CNTNAP2: variants seen among roughly 807,000 people sequenced by gnomAD.
CNTNAP2 encodes the protein contactin-associated protein-like 2.
CNTNAP2 carries 98 observed loss-of-function variants against 155.2 expected under a neutral mutation model. That is an observed-to-expected ratio of 0.63 (90% CI 0.54 to 0.75). The LOEUF is 0.75. CNTNAP2 is among the 30% of genes least tolerant of loss of function. The pLI is 0.00. For missense variants in CNTNAP2, 1,727 were observed against 1,688.1 expected, an observed-to-expected ratio of 1.02 and a Z score of -0.40; for synonymous variants, 651 against 631.2, an observed-to-expected ratio of 1.03 and a Z score of -0.47.
intron 8 of CNTNAP2, among the ~76,000 whole-genome samples, chr7:147,295,296 G>A (rs539703769): frequency 3.3e-5 from 5 of 151,836 alleles, no homozygotes; most frequent in African/African-American, 1.2e-4. Context: ...CACGTGTTGT[G>A]TGTGTGTGTT....
At chr7:146,724,685 C>T (rs1801400396) in intron 1 of CNTNAP2, among the ~76,000 whole-genome samples, 1 of 146,458 alleles carries the variant, frequency 6.8e-6, no homozygotes, top group Non-Finnish European at 1.5e-5. Context: ...ATTCTCCTGT[C>T]TCAGCCTCCT....
At chr7:147,528,700 C>A (rs1350325011) in intron 11 of CNTNAP2, among the ~76,000 whole-genome samples, 2 of 152,152 alleles carry the variant, frequency 1.3e-5, no homozygotes, top group Non-Finnish European at 2.9e-5. Context: ...TTGGCCCACA[C>A]ATGAGAGGGA....
intron 13 of CNTNAP2, among the ~76,000 whole-genome samples, chr7:147,791,018 C>A (rs1797810724): frequency 6.6e-6 from 1 of 152,218 alleles, no homozygotes; most frequent in Non-Finnish European, 1.5e-5. Context: ...TCAGTTCTCT[C>A]TTGTAAAGTT....
intron 2 of CNTNAP2, among the ~76,000 whole-genome samples, chr7:146,811,082 G>T (rs1157804601): frequency 6.6e-6 from 1 of 151,972 alleles, no homozygotes; most frequent in Non-Finnish European, 1.5e-5. Context: ...TAGAAGTATT[G>T]GCCAGTGATT....
At chr7:147,496,156 A>G (rs1306553338) in intron 11 of CNTNAP2, among the ~76,000 whole-genome samples, 1 of 151,672 alleles carries the variant, frequency 6.6e-6, no homozygotes, top group Non-Finnish European at 1.5e-5. Context: ...ATTATTCATC[A>G]CAATGTCATA....
intron 1 of CNTNAP2, among the ~76,000 whole-genome samples, chr7:146,200,541 C>CACACAT (rs140777495): frequency 0.025 from 3,816 of 150,796 alleles, 144 homozygotes; most frequent in African/African-American, 0.082. Flanking sequence ...CACACACACA[C>CACACAT]ATATATATAC....
intron 1 of CNTNAP2, among the ~76,000 whole-genome samples, chr7:146,401,591 G>T (rs1441738231): frequency 6.6e-6 from 1 of 152,126 alleles, no homozygotes; most frequent in African/African-American, 2.4e-5. Flanking sequence ...TATAAATTGT[G>T]TGTTCAAAGA....
At chr7:146,214,704 G>A (rs897013506) in intron 1 of CNTNAP2, among the ~76,000 whole-genome samples, 4 of 152,016 alleles carry the variant, frequency 2.6e-5, no homozygotes, top group Middle Eastern at 3.2e-3. Context: ...TTTCAAAAAG[G>A]CTTTAATTTC....
At chr7:148,106,415 A>G (rs1370260968) in intron 15 of CNTNAP2, among the ~76,000 whole-genome samples, 2 of 151,000 alleles carry the variant, frequency 1.3e-5, no homozygotes, top group African/African-American at 4.9e-5. Context: ...CATCCCTGGG[A>G]CACAGGAACA....
intron 13 of CNTNAP2, among the ~76,000 whole-genome samples, chr7:147,784,991 G>C (rs1797718229): frequency 1.3e-5 from 2 of 152,092 alleles, no homozygotes. Flanking sequence ...ACTGGATACA[G>C]ACCAGTTTTG....
chr7:148,289,157 TC>T (rs954091290), intron 21 of CNTNAP2, among the ~76,000 whole-genome samples: 5 of 152,018 alleles, frequency 3.3e-5, no homozygotes, highest in African/African-American at 1.2e-4. Context: ...ATTTCAGTTG[TC>T]TCCCAGCCCC....
intron 9 of CNTNAP2, among the ~76,000 whole-genome samples, chr7:147,355,122 C>G (rs971621172): frequency 6.6e-6 from 1 of 151,778 alleles, no homozygotes; most frequent in Admixed American, 6.6e-5. Flanking sequence ...TTTAAGTGAC[C>G]AGATCATGGC....
In CNTNAP2 at chr7:147,363,466, T is replaced by A. The variant is rs1796177502; in HGVS notation, c.1499-32143T>A. 2.6e-5 allele frequency among the ~76,000 whole-genome samples: 4 copies of A among 152,228 alleles called. No homozygotes were observed. In the South Asian group the frequency reaches 8.3e-4, roughly 31 times the overall value. On this transcript the variant is annotated intron_variant, in intron 9 of 23. Coordinates refer to ENST00000361727, the MANE Select transcript of CNTNAP2 (RefSeq NM_014141.6). Reference sequence around the variant, plus strand: ...CCCGTATAAAGACAGTTACACAGTTTAATGATTATTTCCATATTTTTCTAA... The same window carrying A: ...CCCGTATAAAGACAGTTACACAGTTAAATGATTATTTCCATATTTTTCTAA...
intron 18 of CNTNAP2, among the ~76,000 whole-genome samples, chr7:148,208,420 T>C (rs1285702453): frequency 1.3e-5 from 2 of 152,094 alleles, no homozygotes; most frequent in East Asian, 3.9e-4. Flanking sequence ...GAGATGAGGC[T>C]CTCCTGATGA....
At chr7:146,613,327 C>T (rs1799170539) in intron 1 of CNTNAP2, among the ~76,000 whole-genome samples, 1 of 152,186 alleles carries the variant, frequency 6.6e-6, no homozygotes, top group Non-Finnish European at 1.5e-5. Flanking sequence ...TTTTGGCTAA[C>T]AGTCCTTTAA....
At chr7:148,245,186 A>G (rs1284377114) in intron 20 of CNTNAP2, among the ~76,000 whole-genome samples, 5 of 152,178 alleles carry the variant, frequency 3.3e-5, no homozygotes, top group Admixed American at 3.3e-4. Flanking sequence ...CAAAGGATAC[A>G]GGTTGGCACA....
chr7:147,040,370 T>A, intron 3 of CNTNAP2, among the ~76,000 whole-genome samples: 1 of 151,824 alleles, frequency 6.6e-6, no homozygotes, highest in Middle Eastern at 3.2e-3. Flanking sequence ...GGGCTAAAAC[T>A]GAGTCTCATT....
At chr7:146,909,373 T>C (rs1261360136) in intron 3 of CNTNAP2, among the ~76,000 whole-genome samples, 32 of 123,526 alleles carry the variant, frequency 2.6e-4, no homozygotes, top group African/African-American at 1.0e-3. Flanking sequence ...TAGACCAATA[T>C]CCTTGATGAA....
chr7:146,686,766 C>T lies in CNTNAP2; in HGVS notation c.98-87505C>T, dbSNP rs142051554. On this transcript the variant is annotated intron_variant, in intron 1 of 23. Transcript: ENST00000361727. ...TTACTTGACTTACTTAATTCTCTGG[C>T]AGTTTTATAATGGCATATACAATTT... is the stretch of plus-strand genomic sequence containing the variant. Among the ~76,000 whole-genome samples, 272 of 152,228 alleles carry T rather than the reference C, an allele frequency of 1.8e-3. 2 individuals carry two copies. The highest frequency in any genetic ancestry group is 6.0e-3 in the African/African-American group (251 of 41,544).
Sources: gnomAD v4.1 joint callset for allele counts (sites outside exome capture counted in the v4.1 genomes callset) on GRCh38, gnomAD v4.1.1 for gene constraint, MANE v1.5 for transcripts, NCBI Gene and HGNC (gene_info 2026-07-23, HGNC 2026-07-21) for gene names.